The following OSBP2 variants were observed in gnomAD, a reference collection of about 807,000 sequenced individuals.
The protein encoded by OSBP2 is oxysterol binding protein 2, also known as oxysterol-binding protein 2.
Under a neutral mutation model 96.0 loss-of-function variants are expected in OSBP2, and 66 were observed. The ratio of observed to expected loss-of-function variants is 0.69; its 90% CI spans 0.56 to 0.84. The LOEUF (loss-of-function observed/expected upper bound fraction) is 0.84, where lower values mean the gene tolerates loss of function less well. OSBP2 is among the 40% of genes least tolerant of loss of function. The pLI, the probability that OSBP2 is intolerant of heterozygous loss-of-function variation, is 0.00. For synonymous variants in OSBP2, 525 were observed against 520.9 expected, an observed-to-expected ratio of 1.01 and a Z score of -0.11; for missense variants, 1,038 against 1,222.7, an observed-to-expected ratio of 0.85 and a Z score of 2.25.
intron 1 of OSBP2, among the ~76,000 whole-genome samples, chr22:30,717,090 T>TTGTG (rs35377469): frequency 0.05 from 5,870 of 118,248 alleles, 183 homozygotes; most frequent in Middle Eastern, 0.07. Flanking sequence ...TTTACTGTTT[T>TTGTG]TGTGTGTGTG....
intron 7 of OSBP2, 80 bp downstream of exon 7, chr22:30,889,716 G>A: frequency 7.5e-7 from 1 of 1,335,742 alleles, no homozygotes. Flanking sequence ...AATGGCCTGT[G>A]TGAAGTACAC....
intron 1 of OSBP2, among the ~76,000 whole-genome samples, chr22:30,739,900 C>T (rs759614527): frequency 3.3e-5 from 5 of 151,880 alleles, no homozygotes; most frequent in Non-Finnish European, 5.9e-5. Context: ...AGTGCAGTGG[C>T]GCGATCTTGG....
chr22:30,788,029 A>C (rs1411169212), intron 2 of OSBP2, among the ~76,000 whole-genome samples: 2 of 152,206 alleles, frequency 1.3e-5, no homozygotes, highest in African/African-American at 4.8e-5. Flanking sequence ...TTAACTGAAC[A>C]GGACTGGGGT....
At chr22:30,801,154 C>G (rs1317733118) in intron 2 of OSBP2, among the ~76,000 whole-genome samples, 1 of 152,130 alleles carries the variant, frequency 6.6e-6, no homozygotes, top group African/African-American at 2.4e-5. Flanking sequence ...TGATTGTGTA[C>G]CCTGTCCCCA....
intron 1 of OSBP2, among the ~76,000 whole-genome samples, chr22:30,697,393 C>T (rs1476666495): frequency 1.3e-5 from 2 of 152,144 alleles, no homozygotes; most frequent in Non-Finnish European, 2.9e-5. Context: ...GTTCTCCTGC[C>T]TCAGTCTCCC....
chr22:30,893,016 A>G, intron 8 of OSBP2, 106 bp from the exon 9 acceptor site: 1 of 1,447,888 alleles, frequency 6.9e-7, no homozygotes, highest in Admixed American at 1.8e-5. Flanking sequence ...CTATGGCCAC[A>G]GAGCTGTGCC....
chr22:30,754,823 T>A (rs1263318919), intron 2 of OSBP2, among the ~76,000 whole-genome samples: 1 of 152,172 alleles, frequency 6.6e-6, no homozygotes, highest in Non-Finnish European at 1.5e-5. Context: ...GGCTTCTGGA[T>A]CAGCTTTGGT....
At chr22:30,775,920 C>A (rs2090428300) in intron 2 of OSBP2, among the ~76,000 whole-genome samples, 1 of 151,574 alleles carries the variant, frequency 6.6e-6, no homozygotes, top group African/African-American at 2.4e-5. Context: ...ACTCAGCCTC[C>A]CGAGTAGTGG....
At chr22:30,767,045 A>G (rs745948456) in intron 2 of OSBP2, among the ~76,000 whole-genome samples, 4 of 149,712 alleles carry the variant, frequency 2.7e-5, no homozygotes, top group Non-Finnish European at 4.4e-5. Context: ...GGATGCTACA[A>G]AAAAAGCTCT....
intron 2 of OSBP2, among the ~76,000 whole-genome samples, chr22:30,835,325 G>C (rs190874530): frequency 1.3e-5 from 2 of 152,010 alleles, no homozygotes; most frequent in South Asian, 2.1e-4. Context: ...TTTATATAGG[G>C]TAAGGTTGGG....
At position 30,893,138 on chromosome 22, in the gene OSBP2, C is replaced by G. The variant is rs182014737; in HGVS notation, c.1886C>G (p.Pro629Arg). The change falls in exon 9 of 14, where the codon CCC becomes CGC. Residue 629 changes from proline (P) to arginine (R), a missense_variant. Pro to Arg is a moderately radical substitution (Grantham distance 103). Transcript: ENST00000332585. ...TGGTCTCAGGTGAGCCACCACCCCC[C>G]CTCAGCTGCGCACTACGTGTTCTCC... ...SLCEQVSHHP[P>R]SAAHYVFSKH... The G allele has an allele frequency of 7.4e-5, 120 of 1,613,942 alleles. No individual in the cohort carries two copies. Among genetic ancestry groups the G allele is most frequent in the Non-Finnish European group, 9.2e-5 (109 of 1,179,966 alleles).
intron 1 of OSBP2, among the ~76,000 whole-genome samples, chr22:30,730,032 G>A (rs1045363547): frequency 6.6e-6 from 1 of 151,572 alleles, no homozygotes; most frequent in African/African-American, 2.4e-5. Flanking sequence ...AATCTCGCTC[G>A]GCTCACTGCA....
intron 1 of OSBP2, among the ~76,000 whole-genome samples, chr22:30,723,846 A>G (rs1192334793): frequency 6.6e-6 from 1 of 152,154 alleles, no homozygotes; most frequent in East Asian, 1.9e-4. Context: ...CAACATCCCC[A>G]TCAGAGTGGT....
intron 2 of OSBP2, among the ~76,000 whole-genome samples, chr22:30,757,403 C>T (rs919488874): frequency 1.3e-5 from 2 of 151,788 alleles, no homozygotes; most frequent in East Asian, 1.9e-4. Context: ...TTGGTTTTAT[C>T]GCTGTTTTCT....
intron 1 of OSBP2, among the ~76,000 whole-genome samples, chr22:30,727,562 A>G (rs1212928559): frequency 1.3e-5 from 2 of 152,122 alleles, no homozygotes; most frequent in East Asian, 3.9e-4. Flanking sequence ...GAACCACCCC[A>G]GAGAGGACAC....
At chr22:30,772,197 CCG>C (rs1191916322) in intron 2 of OSBP2, among the ~76,000 whole-genome samples, 1 of 152,156 alleles carries the variant, frequency 6.6e-6, no homozygotes, top group Non-Finnish European at 1.5e-5. Flanking sequence ...GTTGGGACTC[CCG>C]TGGGTGAGCT....
In OSBP2 at chr22:30,881,979, G is replaced by A. The variant is rs1231817235; in HGVS notation, c.1108-5447G>A. Among the ~76,000 whole-genome samples the A allele has an allele frequency of 6.6e-6, 1 of 152,168 alleles. No individual in the cohort carries two copies. Among genetic ancestry groups the A allele is most frequent in the Admixed American group, 6.5e-5 (1 of 15,290 alleles). On this transcript the variant is annotated intron_variant, in intron 3 of 13. Transcript: ENST00000332585. This position sits in a 1 kb window ranked among gnomAD's most constrained non-coding sequence, Gnocchi z 4.5. ...AGGTGACTGTGACACTCTACGACCT[G>A]CATGTGCCCAGCCTAGGCACATGTA... is the stretch of plus-strand genomic sequence containing the variant.
chr22:30,716,409 T>G (rs1227452819), intron 1 of OSBP2, among the ~76,000 whole-genome samples: 1 of 151,972 alleles, frequency 6.6e-6, no homozygotes, highest in African/African-American at 2.4e-5. Context: ...TTCAAATCCT[T>G]TTTTTGTTTG....
chr22:30,764,289 G>T (rs1332262414), intron 2 of OSBP2: 1 of 984,994 alleles, frequency 1.0e-6, no homozygotes, highest in Non-Finnish European at 1.2e-6. Context: ...GGGGTGGGCG[G>T]GGATGAGGAG....
Sources: allele counts gnomAD v4.1 joint callset (sites outside exome capture counted in the v4.1 genomes callset), GRCh38; gene constraint gnomAD v4.1.1; non-coding constraint Gnocchi (gnomAD v3.1); transcripts MANE v1.5; gene names NCBI Gene and HGNC (gene_info 2026-07-23, HGNC 2026-07-21).